TMEM232: variants seen among roughly 807,000 people sequenced by gnomAD.
TMEM232 encodes transmembrane protein 232.
In TMEM232, 80 loss-of-function variants were observed where a neutral mutation model predicts 78.8. That is an observed-to-expected ratio of 1.01 (90% CI 0.85 to 1.22). The LOEUF (loss-of-function observed/expected upper bound fraction) is 1.22. TMEM232 is among the 50% of genes most tolerant of loss of function. The pLI is 0.00. For synonymous variants in TMEM232, 297 were observed against 254.3 expected (o/e 1.17, Z -1.60); for missense variants, 881 against 742.2 (o/e 1.19, Z -2.17).
intron 11 of TMEM232, among the ~76,000 whole-genome samples, chr5:110,537,627 A>C (rs1033103181): frequency 5.3e-5 from 8 of 152,158 alleles, no homozygotes; most frequent in African/African-American, 1.9e-4. Flanking sequence ...TTGAGGCTAA[A>C]CCCCAAACAG....
At chr5:110,600,624 A>C (rs1780767684) in intron 10 of TMEM232, among the ~76,000 whole-genome samples, 1 of 152,158 alleles carries the variant, frequency 6.6e-6, no homozygotes, top group South Asian at 2.1e-4. Context: ...AAGAAGTTGG[A>C]TCTCTGAAGG....
chr5:110,564,334 A>G lies in TMEM232; in HGVS notation c.1455+4113T>C, dbSNP rs116992230. Among the ~76,000 whole-genome samples the G allele has an allele frequency of 6.6e-3, 1,000 of 152,108 alleles. 32 individuals carry two copies. The highest frequency in any genetic ancestry group is 0.055 in the Admixed American group (838 of 15,222). Reference sequence around the variant, plus strand: ...TGGAATATCATAGGATGCCATATGGATAAAGCATCAATGGAAAAATCATGT... The same window carrying G: ...TGGAATATCATAGGATGCCATATGGGTAAAGCATCAATGGAAAAATCATGT... On this transcript the variant is annotated intron_variant, in intron 11 of 13. Coordinates refer to ENST00000455884, the MANE Select transcript of TMEM232 (RefSeq NM_001039763.4).
At chr5:110,591,242 A>G (rs1461529350) in intron 10 of TMEM232, among the ~76,000 whole-genome samples, 11 of 152,122 alleles carry the variant, frequency 7.2e-5, no homozygotes. Flanking sequence ...TGGATCACTT[A>G]CCGCCAGGAG....
rs1002444293 is a variant in TMEM232 at position 110,581,908 on chromosome 5, G to A, written c.1277-13283C>T. Among the ~76,000 whole-genome samples, 3 of 151,546 alleles carry A rather than the reference G, an allele frequency of 2.0e-5. No homozygotes were observed. The South Asian group carries it at 6.2e-4, about 32-fold the overall frequency. ...ATGCATCCAAAAAGCATATAAAAAA[G>A]TCCAACATCTCTAGTCATTAGAGAA... On this transcript the variant is annotated intron_variant, in intron 10 of 13. Coordinates refer to ENST00000455884, the MANE Select transcript of TMEM232 (RefSeq NM_001039763.4).
At chr5:110,491,332 A>T (rs1765073364) in intron 12 of TMEM232, among the ~76,000 whole-genome samples, 1 of 152,086 alleles carries the variant, frequency 6.6e-6, no homozygotes. Flanking sequence ...AACTTTTAAC[A>T]TGCATGTGGA....
intron 1 of TMEM232, among the ~76,000 whole-genome samples, chr5:110,736,652 T>A (rs1327926655): frequency 6.6e-6 from 1 of 152,078 alleles, no homozygotes; most frequent in Non-Finnish European, 1.5e-5. Flanking sequence ...TACTATTTTT[T>A]GCCTCAGCTG....
At chr5:110,725,893 T>G in intron 1 of TMEM232, 1 of 151,296 alleles carries the variant, frequency 6.6e-6, no homozygotes, top group Non-Finnish European at 1.5e-5. Flanking sequence ...ATATAAGATT[T>G]AGACTCTAAC....
chr5:110,413,734 A>C (rs1178720601), intron 2 of TMEM232, among the ~76,000 whole-genome samples: 5 of 152,198 alleles, frequency 3.3e-5, no homozygotes, highest in Non-Finnish European at 1.5e-5. Context: ...AATCTCAAAC[A>C]CTTAAAACAG....
chr5:110,710,271 G>A (rs1014938535), intron 1 of TMEM232, among the ~76,000 whole-genome samples: 1 of 151,870 alleles, frequency 6.6e-6, no homozygotes, highest in Non-Finnish European at 1.5e-5. Flanking sequence ...ATAATAAAAT[G>A]TCTTCCAGTG....
At chr5:110,589,957 T>C (rs1779304197) in intron 10 of TMEM232, among the ~76,000 whole-genome samples, 1 of 152,152 alleles carries the variant, frequency 6.6e-6, no homozygotes, top group African/African-American at 2.4e-5. Flanking sequence ...AAATTTGTAT[T>C]TCAAATAAGG....
chr5:110,568,261 C>T (rs1488597), intron 11 of TMEM232, among the ~76,000 whole-genome samples, 186 bp downstream of exon 11: 1,831 of 151,838 alleles, frequency 0.012, 33 homozygotes, highest in African/African-American at 0.041. Context: ...TTTACACTAC[C>T]GTCTAGAGCT....
chr5:110,695,547 G>C (rs904544010), intron 1 of TMEM232, among the ~76,000 whole-genome samples: 1 of 152,128 alleles, frequency 6.6e-6, no homozygotes, highest in Non-Finnish European at 1.5e-5. Flanking sequence ...AAAATTGATA[G>C]ACTGCTAGCA....
chr5:110,513,041 C>T (rs1012514180), intron 12 of TMEM232, among the ~76,000 whole-genome samples: 1 of 152,100 alleles, frequency 6.6e-6, no homozygotes, highest in Admixed American at 6.6e-5. Context: ...AAAGCTATTG[C>T]CCCATTGATG....
intron 10 of TMEM232, among the ~76,000 whole-genome samples, chr5:110,582,351 G>A (rs937021082): frequency 2.6e-5 from 4 of 151,674 alleles, no homozygotes; most frequent in Admixed American, 2.0e-4. Flanking sequence ...AAATAATATC[G>A]TTTATGGCAA....
chr5:110,608,333 G>C (rs989727392), intron 8 of TMEM232, among the ~76,000 whole-genome samples: 1 of 151,796 alleles, frequency 6.6e-6, no homozygotes, highest in Admixed American at 6.6e-5. Flanking sequence ...AAAGATATGA[G>C]TTTGATAATG....
At chr5:110,477,577 G>A (rs1397318581) in intron 12 of TMEM232, among the ~76,000 whole-genome samples, 4 of 151,540 alleles carry the variant, frequency 2.6e-5, no homozygotes, top group African/African-American at 2.4e-5. Flanking sequence ...CAATCACACC[G>A]TCCTTTCATG....
intron 12 of TMEM232, among the ~76,000 whole-genome samples, chr5:110,505,063 T>A (rs969269015): frequency 6.6e-6 from 1 of 152,214 alleles, no homozygotes; most frequent in Admixed American, 6.5e-5. Context: ...TTGCTACATC[T>A]CTTTGAAAAT....
chr5:110,527,949 G>A (rs1770839545), intron 12 of TMEM232, among the ~76,000 whole-genome samples: 2 of 152,036 alleles, frequency 1.3e-5, no homozygotes, highest in East Asian at 1.9e-4. Context: ...TATATCAGGA[G>A]TGATTTTTCA....
At chr5:110,398,828 G>A (rs1215680744) in intron 2 of TMEM232, among the ~76,000 whole-genome samples, 1 of 151,938 alleles carries the variant, frequency 6.6e-6, no homozygotes, top group Non-Finnish European at 1.5e-5. Flanking sequence ...TGATAATATA[G>A]CAAGAATATA....
Sources: allele counts gnomAD v4.1 joint callset (sites outside exome capture counted in the v4.1 genomes callset), GRCh38; gene constraint gnomAD v4.1.1; transcripts MANE v1.5; gene names NCBI Gene and HGNC (gene_info 2026-07-23, HGNC 2026-07-21).